Variants in RRP1 observed in about 807,000 individuals in gnomAD.
The protein encoded by RRP1 is ribosomal RNA processing 1.
In RRP1, 37 loss-of-function variants were observed where a neutral mutation model predicts 54.6. That is an observed-to-expected ratio of 0.68 (90% CI 0.52 to 0.89). The LOEUF (loss-of-function observed/expected upper bound fraction) is 0.89, where lower values mean the gene tolerates loss of function less well. Among genes scored for constraint, RRP1 ranks in the 40% least tolerant of loss-of-function variants. RRP1 has a pLI of 0.00. For synonymous variants in RRP1, 262 were observed against 244.3 expected (o/e 1.07, Z -0.67); for missense variants, 639 against 612.5 (o/e 1.04, Z -0.46).
intron 7 of RRP1, 21 bp downstream of exon 7, chr21:43,797,716 T>C (rs1382221890): frequency 1.9e-6 from 3 of 1,612,548 alleles, no homozygotes; most frequent in African/African-American, 1.3e-5. Flanking sequence ...GGTGGCCTGA[T>C]CGGGCCCGAC....
chr21:43,793,855 G>T (rs192179132), intron 4 of RRP1, among the ~76,000 whole-genome samples: 63 of 152,160 alleles, frequency 4.1e-4, no homozygotes, highest in African/African-American at 1.5e-3. Context: ...TTGTATCCCC[G>T]TTCAGGGCAC....
At chr21:43,792,808 T>A in intron 3 of RRP1, 79 bp downstream of exon 3, 1 of 1,481,162 alleles carries the variant, frequency 6.8e-7, no homozygotes, top group Non-Finnish European at 9.4e-7. Flanking sequence ...ACCCAGGAGG[T>A]TTGTGTTCTC....
At chr21:43,802,620 C>T (rs1028174929) in intron 12 of RRP1, 7 of 520,978 alleles carry the variant, frequency 1.3e-5, no homozygotes, top group Middle Eastern at 5.1e-4. Flanking sequence ...GAGCTGTGTG[C>T]GCTGCCCTCC....
At chr21:43,792,508 T>C (rs1278380389) in intron 2 of RRP1, among the ~76,000 whole-genome samples, 164 bp from the exon 3 acceptor site, 2 of 152,154 alleles carry the variant, frequency 1.3e-5, no homozygotes, top group Non-Finnish European at 2.9e-5. Flanking sequence ...GAGGGGTCTT[T>C]TGGAGCAGGG....
In RRP1 at chr21:43,804,005, G is replaced by A. The variant is rs141113361; in HGVS notation, c.*231G>A. ...TGGCTGTGATGACCTTGGGCCAGAA[G>A]GTCAAACTCCGAAGACTGAAACTCT... On this transcript the variant is annotated 3_prime_UTR_variant, in exon 13 of 13. Transcript: ENST00000497547. This position sits in a 1 kb window ranked among gnomAD's most constrained non-coding sequence, Gnocchi z 4.3. 4,696 of 513,620 alleles carry A rather than the reference G, an allele frequency of 9.1e-3. 37 individuals are homozygous for A. Among genetic ancestry groups the A allele is most frequent in the Non-Finnish European group, 0.012 (3,689 of 300,380 alleles). 31.8% of individuals were successfully genotyped at this position (513,620 alleles called of 1,614,324 possible).
chr21:43,801,906 G>C (rs1039682414), intron 11 of RRP1, among the ~76,000 whole-genome samples: 1 of 152,140 alleles, frequency 6.6e-6, no homozygotes, highest in African/African-American at 2.4e-5. Flanking sequence ...GGAAATGCTC[G>C]TCGCAGTGTT....
chr21:43,797,301 GAC>G, intron 5 of RRP1, 119 bp from the exon 6 acceptor site: 1 of 1,467,044 alleles, frequency 6.8e-7, no homozygotes, highest in Non-Finnish European at 9.0e-7. Flanking sequence ...CATGTTTGCA[GAC>G]AGTGGCGCCT....
intron 11 of RRP1, among the ~76,000 whole-genome samples, chr21:43,801,536 G>A (rs1199097091): frequency 1.3e-5 from 2 of 152,220 alleles, no homozygotes; most frequent in African/African-American, 4.8e-5. Context: ...GTGCAGTGGT[G>A]TGATGCAGCT....
chr21:43,799,950 C>T (rs920440676), intron 9 of RRP1, among the ~76,000 whole-genome samples: 3 of 152,218 alleles, frequency 2.0e-5, no homozygotes, highest in African/African-American at 7.2e-5. Flanking sequence ...TCTTGCCTCA[C>T]ACATGGGCAG....
Position 43,798,024 on chromosome 21 carries a change from G to A in RRP1, c.735G>A (p.Ser245=), listed in dbSNP as rs199942567. ...ACACACAGGATGAGGAGGTGGCGTC[G>A]GACAGTGATGAGTCCTCTGAGGGTG... ...ELDTQDEEVA[S]DSDESSEGGE... Residue 245 remains serine (S), a synonymous_variant, in exon 8 of 13, where the codon TCG becomes TCA. Coordinates refer to ENST00000497547, the MANE Select transcript of RRP1 (RefSeq NM_003683.6). The A allele has an allele frequency of 7.8e-5, 126 of 1,614,154 alleles. No homozygotes were observed. In the East Asian group the frequency reaches 2.3e-3, roughly 29 times the overall value.
chr21:43,791,204 A>T, intron 1 of RRP1, 146 bp from the exon 2 acceptor site: 1 of 800,600 alleles, frequency 1.2e-6, no homozygotes, highest in South Asian at 1.4e-5. Flanking sequence ...GGATTGTTTG[A>T]AGGGGAGGGC....
At chr21:43,802,523 G>A (rs966728284) in intron 12 of RRP1, 136 bp downstream of exon 12, 8 of 693,086 alleles carry the variant, frequency 1.2e-5, no homozygotes, top group African/African-American at 7.0e-5. Context: ...TGCTATCCAC[G>A]CATCCCGGAA....
chr21:43,797,755 C>G (rs1170278906), intron 7 of RRP1, 60 bp downstream of exon 7: 4 of 1,596,180 alleles, frequency 2.5e-6, no homozygotes, highest in African/African-American at 2.7e-5. Context: ...CATGGGGCTG[C>G]TGTTGTGGGG....
At chr21:43,798,248 G>A (rs962822225) in intron 8 of RRP1, 148 bp downstream of exon 8, 1 of 682,564 alleles carries the variant, frequency 1.5e-6, no homozygotes. Context: ...AGAAGCCAGA[G>A]TGACTTCTGT....
intron 1 of RRP1, chr21:43,790,980 C>T (rs1027381141): frequency 2.2e-6 from 1 of 461,872 alleles, no homozygotes. Flanking sequence ...AGTGCAGAAG[C>T]CCTCAGTATA....
At chr21:43,794,832 G>A (rs1304043611) in intron 4 of RRP1, among the ~76,000 whole-genome samples, 3 of 152,234 alleles carry the variant, frequency 2.0e-5, no homozygotes, top group African/African-American at 2.4e-5. Flanking sequence ...GGGGGTAGCC[G>A]TGCCTCTTTC....
At position 43,791,341 on chromosome 21, in the gene RRP1, T is replaced by C. The variant is rs780359549; in HGVS notation, c.134-9T>C. On this transcript the variant is annotated splice_polypyrimidine_tract_variant and intron_variant, in intron 1 of 12. Transcript: ENST00000497547. ...TTCATTTGGTCCAACCGTTGCTGTT[T>C]TGATGCAGGTGGTTTTACGCACGAC... 7 of 1,613,654 alleles carry C rather than the reference T, an allele frequency of 4.3e-6. No individual in the cohort carries two copies. Among genetic ancestry groups the C allele is most frequent in the East Asian group, 2.2e-5 (1 of 44,882 alleles).
Position 43,796,807 on chromosome 21 carries a change from A to G in RRP1, c.423-615A>G, listed in dbSNP as rs546434670. 2.6e-5 allele frequency among the ~76,000 whole-genome samples: 4 copies of G among 152,318 alleles called. No individual in the cohort carries two copies. The East Asian group carries it at 7.7e-4, about 29-fold the overall frequency. On this transcript the variant is annotated intron_variant, in intron 5 of 12. Transcript: ENST00000497547. The stretch of plus-strand genomic sequence containing the variant: ...TAAGCACCCCAGGAGGTCCAGATGC[A>G]TGTAGGTGCTACACATTATTCTCTG...
chr21:43,789,856 C>T, intron 1 of RRP1, 94 bp downstream of exon 1: 3 of 1,351,556 alleles, frequency 2.2e-6, no homozygotes, highest in Non-Finnish European at 2.9e-6. Flanking sequence ...CCTCCGAGCC[C>T]TGTGGAACCT....
Sources: allele counts gnomAD v4.1 joint callset (sites outside exome capture counted in the v4.1 genomes callset), GRCh38; gene constraint gnomAD v4.1.1; non-coding constraint Gnocchi (gnomAD v3.1); transcripts MANE v1.5; gene names NCBI Gene and HGNC (gene_info 2026-07-23, HGNC 2026-07-21).